Variants in BMPR2 observed in about 807,000 individuals in gnomAD.
The protein encoded by BMPR2 is bone morphogenetic protein receptor type 2.
A neutral mutation model predicts 100.8 loss-of-function variants in BMPR2; 29 were observed. That is an observed-to-expected ratio of 0.29 (90% CI 0.21 to 0.39). The LOEUF is 0.39. BMPR2 is among the 10% of genes least tolerant of loss of function. BMPR2 has a pLI of 1.00. For missense variants in BMPR2, 1,011 were observed against 1,274.5 expected (o/e 0.79, Z 3.15); for synonymous variants, 382 against 442.3 (o/e 0.86, Z 1.71).
chr2:202,493,402 A>C (rs1260763981), intron 3 of BMPR2, among the ~76,000 whole-genome samples: 1 of 152,134 alleles, frequency 6.6e-6, no homozygotes, highest in Admixed American at 6.5e-5. Context: ...TATACCAAAA[A>C]TACTTTGAGA....
intron 1 of BMPR2, among the ~76,000 whole-genome samples, chr2:202,431,013 A>AACTATATAT (rs1691492386): frequency 1.3e-5 from 2 of 150,562 alleles, no homozygotes; most frequent in Admixed American, 1.3e-4. Flanking sequence ...ACTCTAAATG[A>AACTATATAT]TTAAAAACTT....
At chr2:202,457,551 T>C (rs1030322136) in intron 1 of BMPR2, among the ~76,000 whole-genome samples, 14 of 90,818 alleles carry the variant, frequency 1.5e-4, no homozygotes, top group Non-Finnish European at 3.1e-4. Flanking sequence ...TTTATATATA[T>C]ATATATATAT....
intron 1 of BMPR2, among the ~76,000 whole-genome samples, chr2:202,417,494 G>T (rs1691158790): frequency 6.6e-6 from 1 of 151,858 alleles, no homozygotes; most frequent in African/African-American, 2.4e-5. Context: ...GTAGAGACAG[G>T]GTTTCTCCAT....
At position 202,531,598 on chromosome 2, in the gene BMPR2, C is replaced by T. The variant is rs556484578; in HGVS notation, c.1128+644C>T. ...GCATTCATATATACTTGTCTGTGCACAACATATATGTATTTTTGTGATTTT... is the reference window on the plus strand; with the variant it reads ...GCATTCATATATACTTGTCTGTGCATAACATATATGTATTTTTGTGATTTT... On this transcript the variant is annotated intron_variant, in intron 8 of 12. Transcript: ENST00000374580. 3.3e-5 allele frequency among the ~76,000 whole-genome samples: 5 copies of T among 152,272 alleles called. No individual in the cohort carries two copies. The South Asian group carries it at 1.0e-3, about 32-fold the overall frequency.
chr2:202,550,374 CAAAA>C (rs71035016), intron 10 of BMPR2, among the ~76,000 whole-genome samples: 5 of 94,272 alleles, frequency 5.3e-5, no homozygotes, highest in Non-Finnish European at 2.2e-5. Context: ...CTCCTATCTC[CAAAA>C]AAAAAAAAAA....
At chr2:202,393,561 G>A (rs1376566833) in intron 1 of BMPR2, among the ~76,000 whole-genome samples, 1 of 152,104 alleles carries the variant, frequency 6.6e-6, no homozygotes, top group African/African-American at 2.4e-5. Flanking sequence ...CTCCCAAAGT[G>A]TTGGGGCTAC....
At chr2:202,458,283 CAAAAAA>C (rs71035009) in intron 1 of BMPR2, among the ~76,000 whole-genome samples, 6 of 52,310 alleles carry the variant, frequency 1.1e-4, no homozygotes, top group South Asian at 8.8e-4. Context: ...CTTGTCTCTG[CAAAAAA>C]AAAAAAAAAA....
Position 202,376,511 on chromosome 2 carries a change from AGGCGGCGGCGGCGGCGGCGGC to A in BMPR2, c.-948_-928del, listed in dbSNP as rs375624016. On this transcript the variant is annotated 5_prime_UTR_variant, in exon 1 of 13. Transcript: ENST00000374580. ...AGGAGCCCAGAGCTGCGGGAGAACG[AGGCGGCGGCGGCGGCGGCGGC>A]GGCGGCGGCGGCGGCAGCAGCAGCG... 1.7e-4 allele frequency among the ~76,000 whole-genome samples: 21 copies of A among 125,864 alleles called. No individual in the cohort carries two copies. Among genetic ancestry groups the A allele is most frequent in the African/African-American group, 2.9e-4 (10 of 34,012 alleles). The allele number at this position is 125,864 out of a possible 152,430, so 82.6% of individuals were successfully genotyped here. A position where few individuals can be genotyped will look rare whatever the true frequency, so the allele number is the denominator to read the frequency against.
chr2:202,480,195 C>T (rs542048249), intron 3 of BMPR2, among the ~76,000 whole-genome samples: 2 of 151,032 alleles, frequency 1.3e-5, no homozygotes, highest in South Asian at 2.1e-4. Context: ...TGCAGTGGTG[C>T]GATGTCAGCT....
At chr2:202,494,839 C>T (rs1692988404) in intron 3 of BMPR2, among the ~76,000 whole-genome samples, 1 of 152,160 alleles carries the variant, frequency 6.6e-6, no homozygotes, top group Non-Finnish European at 1.5e-5. Context: ...TCAGGGATCT[C>T]ATATTTTTAG....
At chr2:202,410,729 G>A (rs1489760584) in intron 1 of BMPR2, among the ~76,000 whole-genome samples, 3 of 151,944 alleles carry the variant, frequency 2.0e-5, no homozygotes, top group South Asian at 2.1e-4. Flanking sequence ...ACAGGCGCCC[G>A]CTGCCACGCC....
chr2:202,535,400 C>T (rs1161896820), intron 9 of BMPR2, among the ~76,000 whole-genome samples: 1 of 150,942 alleles, frequency 6.6e-6, no homozygotes, highest in African/African-American at 2.4e-5. Flanking sequence ...TCCTCACCTC[C>T]CAGACGGGGT....
chr2:202,492,324 T>G (rs147544986), intron 3 of BMPR2, among the ~76,000 whole-genome samples: 16 of 152,170 alleles, frequency 1.1e-4, no homozygotes, highest in Middle Eastern at 3.4e-3. Context: ...TTATAAACAT[T>G]TTCGTGTATA....
rs1163524145 is a variant in BMPR2 at position 202,549,756 on chromosome 2, AAAAAG to A, written c.1414-2945_1414-2941del. ...AGCAAGACTCTGTCTCAAAAAAAAAAAAAAGAAAAGAAAAGAAAAAAGAAACTGCC... is the reference window on the plus strand; with the variant it reads ...AGCAAGACTCTGTCTCAAAAAAAAAAAAAAGAAAAGAAAAAAGAAACTGCC... On this transcript the variant is annotated intron_variant, in intron 10 of 12. Transcript: ENST00000374580. Among the ~76,000 whole-genome samples the A allele has an allele frequency of 1.3e-5, 2 of 151,728 alleles. 1 individual carries two copies. Among genetic ancestry groups the A allele is most frequent in the Non-Finnish European group, 2.9e-5 (2 of 67,946 alleles).
intron 3 of BMPR2, among the ~76,000 whole-genome samples, chr2:202,491,028 T>C (rs1396685488): frequency 6.6e-6 from 1 of 152,156 alleles, no homozygotes; most frequent in African/African-American, 2.4e-5. Context: ...CTTCCCAGGT[T>C]CAATTGATTC....
In BMPR2 at chr2:202,566,501, A is replaced by C. The variant is rs958115525; in HGVS notation, c.*6555A>C. 3 of 152,612 alleles carry C rather than the reference A, an allele frequency of 2.0e-5. No homozygotes were observed. Among genetic ancestry groups the C allele is most frequent in the Middle Eastern group, 3.4e-3 (1 of 294 alleles). The allele number at this position is 152,612 out of a possible 1,614,324, so 9.5% of individuals were successfully genotyped here. On this transcript the variant is annotated 3_prime_UTR_variant, in exon 13 of 13. Coordinates refer to ENST00000374580, the MANE Select transcript of BMPR2 (RefSeq NM_001204.7). ...ACTCAACTAATTGGCTACATGTTGC[A>C]ACAAATTTAGGCCTTTAGAGTTGAA...
At chr2:202,468,381 G>A (rs757421193) in intron 3 of BMPR2, among the ~76,000 whole-genome samples, 1 of 152,144 alleles carries the variant, frequency 6.6e-6, no homozygotes, top group Non-Finnish European at 1.5e-5. Context: ...GGGAGGCTGA[G>A]GTTGGAGATT....
intron 1 of BMPR2, among the ~76,000 whole-genome samples, chr2:202,416,854 T>C (rs1354494051): frequency 6.6e-6 from 1 of 151,448 alleles, no homozygotes; most frequent in Non-Finnish European, 1.5e-5. Flanking sequence ...TTTTTTTTTT[T>C]GAGACAGAGT....
chr2:202,376,667 A>AGGAAG lies in BMPR2; in HGVS notation c.-799_-795dup, dbSNP rs1690152562. The stretch of plus-strand genomic sequence containing the variant: ...GATCGAGCCGCAGGAATAAAAAGCG[A>AGGAAG]GGAAGGGAAGGGAGCGCCGCCGGGA... On this transcript the variant is annotated 5_prime_UTR_variant, in exon 1 of 13. Coordinates refer to ENST00000374580, the MANE Select transcript of BMPR2 (RefSeq NM_001204.7). Among the ~76,000 whole-genome samples, 1 of 146,980 alleles carries AGGAAG rather than the reference A, an allele frequency of 6.8e-6. No individual in the cohort carries two copies. The highest frequency in any genetic ancestry group is 2.5e-5 in the African/African-American group (1 of 39,864).
Sources: allele counts gnomAD v4.1 joint callset (sites outside exome capture counted in the v4.1 genomes callset), GRCh38; gene constraint gnomAD v4.1.1; transcripts MANE v1.5; gene names NCBI Gene and HGNC (gene_info 2026-07-23, HGNC 2026-07-21).